MIIP: variants seen among roughly 807,000 people sequenced by gnomAD.
MIIP encodes migration and invasion-inhibitory protein.
In MIIP, 44 loss-of-function variants were observed where a neutral mutation model predicts 44.8. The observed-to-expected ratio is 0.98, with a 90% CI of 0.77 to 1.26. The LOEUF (loss-of-function observed/expected upper bound fraction) is 1.26. Ranked by LOEUF, MIIP falls within the 50% of genes most tolerant of loss-of-function variation. The probability of loss-of-function intolerance (pLI) is 0.00; values close to 1 mark genes in which losing one functional copy is unlikely to be tolerated. For missense variants in MIIP, 496 were observed against 511.7 expected (o/e 0.97, Z 0.30); for synonymous variants, 225 against 218.3 (o/e 1.03, Z -0.27).
chr1:12,026,403 C>T (rs1406232795), intron 4 of MIIP, among the ~76,000 whole-genome samples: 1 of 152,156 alleles, frequency 6.6e-6, no homozygotes, highest in Non-Finnish European at 1.5e-5. Context: ...CAGCTCACTG[C>T]CCTCCTTCCT....
At position 12,032,013 on chromosome 1, in the gene MIIP, T is replaced by C; in HGVS notation, c.*205T>C. ...TGGAGGGTGAGGGATTCTGTGGAAG[T>C]TTGTAAATAAAGCTCAGTGCTCTGC... On this transcript the variant is annotated 3_prime_UTR_variant, in exon 10 of 10. Coordinates refer to ENST00000235332, the MANE Select transcript of MIIP (RefSeq NM_021933.4). The C allele has an allele frequency of 1.7e-6, 1 of 599,058 alleles. No individual in the cohort carries two copies. Among genetic ancestry groups the C allele is most frequent in the Non-Finnish European group, 3.0e-6 (1 of 338,028 alleles). The allele number at this position is 599,058 out of a possible 1,614,324, so 37.1% of individuals were successfully genotyped here.
chr1:12,028,913 A>C (rs1640161496), intron 4 of MIIP, 120 bp from the exon 5 acceptor site: 1 of 754,970 alleles, frequency 1.3e-6, no homozygotes. Flanking sequence ...GAGGCACAGT[A>C]GGGATGAAGC....
chr1:12,020,707 G>A lies in MIIP; in HGVS notation c.-82-938G>A, dbSNP rs958001762. Reference sequence around the variant, plus strand: ...TTGTTGTTGTTGCTGTTTTTGAGACGGAGTCTCACCCTGTCGCCCAGGCTG... The same window carrying A: ...TTGTTGTTGTTGCTGTTTTTGAGACAGAGTCTCACCCTGTCGCCCAGGCTG... On this transcript the variant is annotated intron_variant, in intron 1 of 9. Coordinates refer to ENST00000235332, the MANE Select transcript of MIIP (RefSeq NM_021933.4). 4.4e-4 allele frequency among the ~76,000 whole-genome samples: 67 copies of A among 151,422 alleles called. 1 individual carries two copies. Among genetic ancestry groups the A allele is most frequent in the African/African-American group, 1.6e-3 (64 of 41,150 alleles).
Position 12,029,907 on chromosome 1 carries a change from A to G in MIIP, c.845+13A>G, listed in dbSNP as rs200661070. ...CAGCGCACGTCAGGTGAGTGACCAG[A>G]GTATTGGGACACCTTGGGGGACAGA... On this transcript the variant is annotated intron_variant, in intron 7 of 9. Coordinates refer to ENST00000235332, the MANE Select transcript of MIIP (RefSeq NM_021933.4). 5.3e-4 allele frequency: 857 copies of G among 1,612,270 alleles called. 3 individuals carry two copies. In the African/African-American group the frequency reaches 0.01, roughly 20 times the overall value.
Position 12,021,775 on chromosome 1 carries a change from C to T in MIIP, c.49C>T (p.Leu17Phe). 6.2e-7 allele frequency: 1 copy of T among 1,613,126 alleles called. No homozygotes were observed. Among genetic ancestry groups the T allele is most frequent in the Non-Finnish European group, 8.5e-7 (1 of 1,179,972 alleles). ...LAQLRLLNLE[L>F]LRQLWVGQDA... Reference sequence around the variant, plus strand: ...ACAGCTGCGGCTGCTCAATCTGGAGCTCCTGAGGCAGCTGTGGGTGGGGCA... The same window carrying T: ...ACAGCTGCGGCTGCTCAATCTGGAGTTCCTGAGGCAGCTGTGGGTGGGGCA... Residue 17 changes from leucine to phenylalanine, a missense_variant, in exon 2 of 10, where the codon CTC becomes TTC. Leu to Phe is a conservative substitution (Grantham distance 22). Coordinates refer to ENST00000235332, the MANE Select transcript of MIIP (RefSeq NM_021933.4).
chr1:12,020,355 A>G (rs1639944843), intron 1 of MIIP, among the ~76,000 whole-genome samples: 1 of 152,136 alleles, frequency 6.6e-6, no homozygotes, highest in South Asian at 2.1e-4. Context: ...TGTCCAAACC[A>G]CTGCCCAGGA....
Position 12,031,942 on chromosome 1 carries a change from C to T in MIIP, c.*134C>T. On this transcript the variant is annotated 3_prime_UTR_variant, in exon 10 of 10. Transcript: ENST00000235332. ...TCCTAGGTTGGGCAGGTGGGTGGAC[C>T]CAAGCTTGTCTGCTGCCTGAGTTCC... 1 of 810,830 alleles carries T rather than the reference C, an allele frequency of 1.2e-6. No homozygotes were observed. The highest frequency in any genetic ancestry group is 2.0e-6 in the Non-Finnish European group (1 of 512,178). 50.2% of individuals were successfully genotyped at this position (810,830 alleles called of 1,614,324 possible).
intron 8 of MIIP, 165 bp from the exon 9 acceptor site, chr1:12,031,101 G>A (rs1220849961): frequency 6.2e-6 from 5 of 808,904 alleles, no homozygotes; most frequent in Non-Finnish European, 9.6e-6. Context: ...GATCTGCCAG[G>A]ATAAGAAAGG....
Position 12,019,557 on chromosome 1 carries a change from G to C in MIIP, c.-83+5G>C, listed in dbSNP as rs1276605663. 6.5e-6 allele frequency: 1 copy of C among 152,674 alleles called. No homozygotes were observed. The highest frequency in any genetic ancestry group is 2.4e-5 in the African/African-American group (1 of 41,480). 9.5% of individuals were successfully genotyped at this position (152,674 alleles called of 1,614,324 possible). ...CATGCTAGGGGATTCTGCCGGGTGA[G>C]TGCTGGGCGGCAGGACTGGGGTGGG... On this transcript the variant is annotated splice_donor_5th_base_variant and intron_variant, in intron 1 of 9. Coordinates refer to ENST00000235332, the MANE Select transcript of MIIP (RefSeq NM_021933.4).
Position 12,029,825 on chromosome 1 carries a change from C to T in MIIP, c.776C>T (p.Pro259Leu), listed in dbSNP as rs777956456. 3 of 1,613,290 alleles carry T rather than the reference C, an allele frequency of 1.9e-6. No individual in the cohort carries two copies. Among genetic ancestry groups the T allele is most frequent in the Non-Finnish European group, 8.5e-7 (1 of 1,179,650 alleles). Reference protein sequence around the residue: ...LFPVPVDPGTPCRLCRTPRDQ... With the variant: ...LFPVPVDPGTLCRLCRTPRDQ... ...CCGGTGCCTGTGGATCCCGGTACCC[C>T]CTGCCGCCTGTGCAGGACACCGCGA... The change falls in exon 7 of 10, where the codon CCC (proline) becomes CTC (leucine). Residue 259 changes from proline (P) to leucine (L), a missense_variant. By Grantham distance (98) the Pro-to-Leu change is moderately conservative. Coordinates refer to ENST00000235332, the MANE Select transcript of MIIP (RefSeq NM_021933.4).
intron 1 of MIIP, among the ~76,000 whole-genome samples, chr1:12,019,833 G>T (rs1639931503): frequency 6.6e-6 from 1 of 152,252 alleles, no homozygotes; most frequent in Non-Finnish European, 1.5e-5. Flanking sequence ...CTTTGACCCC[G>T]TGCGAAAACG....
At chr1:12,020,966 G>A (rs552647803) in intron 1 of MIIP, among the ~76,000 whole-genome samples, 1 of 152,176 alleles carries the variant, frequency 6.6e-6, no homozygotes, top group Admixed American at 6.5e-5. Flanking sequence ...GATTACAGAC[G>A]TGAGCCACTT....
At chr1:12,022,030 C>A in intron 2 of MIIP, 65 bp from the exon 3 acceptor site, 1 of 1,536,792 alleles carries the variant, frequency 6.5e-7, no homozygotes, top group South Asian at 1.2e-5. Flanking sequence ...GCCTTGGTGC[C>A]TGGCGTAGGC....
rs748747591 is a variant in MIIP at position 12,029,157 on chromosome 1, C to T, written c.656+16C>T. On this transcript the variant is annotated intron_variant, in intron 5 of 9. Coordinates refer to ENST00000235332, the MANE Select transcript of MIIP (RefSeq NM_021933.4). ...GCCATCCTGAGTGAGCAGGGGCGGGCGAGGGTGGGCGAGGGCGGCTGAGCG... is the reference window on the plus strand; with the variant it reads ...GCCATCCTGAGTGAGCAGGGGCGGGTGAGGGTGGGCGAGGGCGGCTGAGCG... The T allele has an allele frequency of 9.9e-6, 16 of 1,609,114 alleles. No individual in the cohort carries two copies. Among genetic ancestry groups the T allele is most frequent in the East Asian group, 2.2e-5 (1 of 44,842 alleles).
rs1283262155 is a variant in MIIP, at chr1:12,022,427, G to C, written c.447G>C (p.Gln149His). 1.9e-6 allele frequency: 3 copies of C among 1,572,128 alleles called. No homozygotes were observed. The African/African-American group carries it at 4.1e-5, about 22-fold the overall frequency. Residue 149 changes from glutamine to histidine, a missense_variant, in exon 3 of 10, where the codon CAG becomes CAC. Coordinates refer to ENST00000235332, the MANE Select transcript of MIIP (RefSeq NM_021933.4). ...AQTPRSILAQ[Q>H]SKLSKPRVTF... The stretch of plus-strand genomic sequence containing the variant: ...CCCCGAGGTCCATCCTGGCTCAACA[G>C]AGCAAGCTGTCCAAGGTAACGTGGG...
chr1:12,030,757 A>G (rs1640224678), intron 8 of MIIP, among the ~76,000 whole-genome samples: 1 of 138,898 alleles, frequency 7.2e-6, no homozygotes. Flanking sequence ...CCTGGGTGAC[A>G]GAGTGAGACT....
At chr1:12,020,854 T>G (rs549827689) in intron 1 of MIIP, among the ~76,000 whole-genome samples, 2 of 152,300 alleles carry the variant, frequency 1.3e-5, no homozygotes, top group Admixed American at 1.3e-4. Context: ...CGGCTAATTT[T>G]TGCATTTTTA....
In MIIP at chr1:12,021,815, G is replaced by T; in HGVS notation, c.89G>T (p.Arg30Leu). 1 of 1,611,226 alleles carries T rather than the reference G, an allele frequency of 6.2e-7. No homozygotes were observed. Among genetic ancestry groups the T allele is most frequent in the Non-Finnish European group, 8.5e-7 (1 of 1,179,568 alleles). The change falls in exon 2 of 10, where the codon CGG becomes CTG. Residue 30 changes from arginine (R) to leucine (L), a missense_variant. Coordinates refer to ENST00000235332, the MANE Select transcript of MIIP (RefSeq NM_021933.4). ...QLWVGQDAVR[R>L]SVARAASESS... ...TGGGTGGGGCAGGATGCTGTGCGGCGGTCAGTGGCCAGGGCAGCCTCGGAG... is the reference window on the plus strand; with the variant it reads ...TGGGTGGGGCAGGATGCTGTGCGGCTGTCAGTGGCCAGGGCAGCCTCGGAG...
At position 12,022,135 on chromosome 1, in the gene MIIP, C is replaced by T; in HGVS notation, c.155C>T (p.Pro52Leu). Residue 52 changes from proline (P) to leucine (L), a missense_variant, in exon 3 of 10, where the codon CCA (proline) becomes CTA (leucine). Transcript: ENST00000235332. ...ESSSSYNSET[P>L]STPETSSTSL... Reference sequence around the variant, plus strand: ...AGCAGCAGCTACAACTCAGAGACTCCATCGACCCCAGAGACGTCCTCAACT... The same window carrying T: ...AGCAGCAGCTACAACTCAGAGACTCTATCGACCCCAGAGACGTCCTCAACT... 6.2e-7 allele frequency: 1 copy of T among 1,614,038 alleles called. No individual in the cohort carries two copies. Among genetic ancestry groups the T allele is most frequent in the Non-Finnish European group, 8.5e-7 (1 of 1,179,996 alleles).
Sources: gnomAD v4.1 joint callset for allele counts (sites outside exome capture counted in the v4.1 genomes callset) on GRCh38, gnomAD v4.1.1 for gene constraint, MANE v1.5 for transcripts, NCBI Gene and HGNC (gene_info 2026-07-23, HGNC 2026-07-21) for gene names.